KCTD1: variants seen among roughly 807,000 people sequenced by gnomAD.
The protein encoded by KCTD1 is potassium channel tetramerization domain containing 1, also known as BTB/POZ domain-containing protein KCTD1.
A neutral mutation model predicts 66.0 loss-of-function variants in KCTD1; 24 were observed. That is an observed-to-expected ratio of 0.36 (90% CI 0.26 to 0.51). The LOEUF (loss-of-function observed/expected upper bound fraction) is 0.51. KCTD1 is among the 20% of genes least tolerant of loss of function. The pLI is 0.95. For synonymous variants in KCTD1, 511 were observed against 517.2 expected, an observed-to-expected ratio of 0.99 and a Z score of 0.16; for missense variants, 943 against 1,205.2, an observed-to-expected ratio of 0.78 and a Z score of 3.22.
chr18:26,549,924 GCCT>G, upstream of KCTD1: 1 of 462,682 alleles, frequency 2.2e-6, no homozygotes. Context: ...TTGCGTCGCC[GCCT>G]CCCGCTCTCC....
At chr18:26,488,677 T>G (rs997171912) in intron 2 of KCTD1, among the ~76,000 whole-genome samples, 2 of 152,220 alleles carry the variant, frequency 1.3e-5, no homozygotes, top group Non-Finnish European at 2.9e-5. Flanking sequence ...TTAGCTGTTA[T>G]GTACAGTTGT....
intron 3 of KCTD1, among the ~76,000 whole-genome samples, chr18:26,474,477 T>C (rs1156717827): frequency 1.3e-5 from 2 of 152,240 alleles, no homozygotes; most frequent in African/African-American, 2.4e-5. Context: ...CACTGTATAT[T>C]ACACATCTTT....
At chr18:26,503,100 A>G (rs893652177) in intron 1 of KCTD1, among the ~76,000 whole-genome samples, 2 of 152,224 alleles carry the variant, frequency 1.3e-5, no homozygotes, top group Non-Finnish European at 2.9e-5. Context: ...GCGTTTCTAC[A>G]TGCTGAATTA....
At chr18:26,550,204 C>T (rs1985500032), upstream of KCTD1, among the ~76,000 whole-genome samples, 1 of 152,236 alleles carries the variant, frequency 6.6e-6, no homozygotes, top group African/African-American at 2.4e-5. This position sits in a 1 kb window ranked among gnomAD's most constrained non-coding sequence, Gnocchi z 5.4. Flanking sequence ...AATTTACCTC[C>T]AAGTCCGAAT....
chr18:26,607,780 C>G (rs769597585), intron 1 of KCTD1, among the ~76,000 whole-genome samples: 19 of 152,022 alleles, frequency 1.2e-4, no homozygotes, highest in Non-Finnish European at 1.5e-5. Flanking sequence ...AATTCATTTA[C>G]TTTTTGAGAC....
chr18:26,614,777 T>C (rs978540495), intron 1 of KCTD1, among the ~76,000 whole-genome samples: 28 of 152,206 alleles, frequency 1.8e-4, no homozygotes, highest in Admixed American at 1.7e-3. Context: ...CAGCATCTCA[T>C]TGAATGTGAA....
upstream of KCTD1, chr18:26,657,449 G>A: frequency 3.2e-6 from 3 of 929,464 alleles, no homozygotes; most frequent in Non-Finnish European, 3.9e-6. Context: ...CGATCTGCTC[G>A]GCTCGCCACA....
At chr18:26,573,258 AG>A (rs1414460504) in intron 1 of KCTD1, among the ~76,000 whole-genome samples, 3 of 151,900 alleles carry the variant, frequency 2.0e-5, no homozygotes, top group Non-Finnish European at 4.4e-5. Flanking sequence ...GGCTGGGGGG[AG>A]GGGAGAATGA....
chr18:26,493,970 C>T (rs571403784), intron 2 of KCTD1, among the ~76,000 whole-genome samples: 1 of 152,328 alleles, frequency 6.6e-6, no homozygotes, highest in African/African-American at 2.4e-5. Context: ...TACTTGTTTA[C>T]TGGCTGTCCT....
chr18:26,485,775 T>A (rs1981886165), intron 2 of KCTD1, among the ~76,000 whole-genome samples: 1 of 152,186 alleles, frequency 6.6e-6, no homozygotes, highest in Admixed American at 6.6e-5. Flanking sequence ...TTTGGAGGTA[T>A]TTCTGATACA....
At chr18:26,505,410 C>T (rs552090865) in intron 1 of KCTD1, among the ~76,000 whole-genome samples, 3 of 152,362 alleles carry the variant, frequency 2.0e-5, no homozygotes, top group African/African-American at 7.2e-5. Flanking sequence ...TCGATTTCTG[C>T]GCATTGCTCA....
intron 1 of KCTD1, among the ~76,000 whole-genome samples, chr18:26,646,486 T>C (rs982846007): frequency 6.6e-6 from 1 of 152,240 alleles, no homozygotes; most frequent in African/African-American, 2.4e-5. Context: ...TTTCAGGTGT[T>C]AAAAATGTAT....
chr18:26,456,015 G>A (rs1291157875), intron 4 of KCTD1, 114 bp from the exon 5 acceptor site: 10 of 964,188 alleles, frequency 1.0e-5, no homozygotes, highest in Non-Finnish European at 1.5e-5. Flanking sequence ...CAGCACCCAT[G>A]TCCCTGTGAG....
chr18:26,463,814 G>T (rs886889272), intron 3 of KCTD1, among the ~76,000 whole-genome samples: 1 of 152,222 alleles, frequency 6.6e-6, no homozygotes, highest in African/African-American at 2.4e-5. Flanking sequence ...CGGGATTACA[G>T]GCGTGAGCCA....
chr18:26,526,454 C>T lies in KCTD1; in HGVS notation c.1809+20274G>A, dbSNP rs149591460. Among the ~76,000 whole-genome samples, 24 of 152,278 alleles carry T rather than the reference C, an allele frequency of 1.6e-4. No individual in the cohort carries two copies. In the East Asian group the frequency reaches 3.3e-3, roughly 21 times the overall value. On this transcript the variant is annotated intron_variant, in intron 1 of 4. Transcript: ENST00000580059. ...GGGGTGGCACGCGATGACCATTTTA[C>T]GGCTTCTAAATAGTCCTACATGTGT... is the stretch of plus-strand genomic sequence containing the variant.
intron 1 of KCTD1, among the ~76,000 whole-genome samples, chr18:26,518,156 G>A (rs1258278585): frequency 1.3e-5 from 2 of 152,162 alleles, no homozygotes; most frequent in Admixed American, 1.3e-4. Flanking sequence ...TTTAAAAGGT[G>A]GGTGCATCGT....
At chr18:26,507,008 A>G (rs1425808155) in intron 1 of KCTD1, among the ~76,000 whole-genome samples, 2 of 152,190 alleles carry the variant, frequency 1.3e-5, no homozygotes, top group South Asian at 2.1e-4. Context: ...TCTATTAAAA[A>G]TACAAAAATT....
chr18:26,611,195 C>T (rs1987129691), intron 1 of KCTD1, among the ~76,000 whole-genome samples: 1 of 152,254 alleles, frequency 6.6e-6, no homozygotes, highest in South Asian at 2.1e-4. Flanking sequence ...ATGTCTTCAA[C>T]ATCATTAATC....
chr18:26,595,770 T>C (rs756734275), intron 1 of KCTD1, among the ~76,000 whole-genome samples: 1 of 152,252 alleles, frequency 6.6e-6, no homozygotes. Context: ...CTGGGTTCAT[T>C]GGCTCACACC....
Sources: allele counts gnomAD v4.1 joint callset (sites outside exome capture counted in the v4.1 genomes callset), GRCh38; gene constraint gnomAD v4.1.1; non-coding constraint Gnocchi (gnomAD v3.1); transcripts MANE v1.5; gene names NCBI Gene and HGNC (gene_info 2026-07-23, HGNC 2026-07-21).